REPS2: variants seen among roughly 807,000 people sequenced by gnomAD.
The protein encoded by REPS2 is ralBP1-associated Eps domain-containing protein 2.
In REPS2, 23 loss-of-function variants were observed where a neutral mutation model predicts 53.6. The observed-to-expected ratio is 0.43, with a 90% CI of 0.31 to 0.61. REPS2 has a LOEUF of 0.61. Ranked by LOEUF, REPS2 falls within the 20% of genes least tolerant of loss-of-function variation. REPS2 has a pLI of 0.11. For missense variants in REPS2, 446 were observed against 534.9 expected (o/e 0.83, Z 1.64); for synonymous variants, 238 against 218.6 (o/e 1.09, Z -0.78).
intron 5 of REPS2, among the ~76,000 whole-genome samples, chrX:17,034,926 C>T (rs923885448): frequency 3.6e-5 from 4 of 110,975 alleles, no homozygotes; most frequent in African/African-American, 6.6e-5. Flanking sequence ...ATATTCATCT[C>T]GAAGTGCATA....
intron 5 of REPS2, among the ~76,000 whole-genome samples, chrX:17,039,213 A>G (rs1441070122): frequency 1.8e-5 from 2 of 111,867 alleles, no homozygotes; most frequent in African/African-American, 6.5e-5. Flanking sequence ...TTTCTCCTCT[A>G]AGCAGAGCAC....
At chrX:17,185,370 G>A in the REPS2 span, among the ~76,000 whole-genome samples, 4 of 111,605 alleles carry the variant, frequency 3.6e-5, no homozygotes, top group African/African-American at 1.3e-4. Flanking sequence ...GACCAGCCCA[G>A]ATTCAAGGTA....
chrX:17,167,425 A>G, the REPS2 span, among the ~76,000 whole-genome samples: 2 of 110,730 alleles, frequency 1.8e-5, no homozygotes, highest in African/African-American at 6.6e-5. Context: ...CTTCTGTTAC[A>G]GCCGCCAGAC....
At chrX:17,143,502 T>C (rs2063473731) in intron 17 of REPS2, among the ~76,000 whole-genome samples, 1 of 109,964 alleles carries the variant, frequency 9.1e-6, no homozygotes, top group African/African-American at 3.3e-5. Flanking sequence ...TTATTTTCAT[T>C]TTTGTTGTCG....
chrX:16,994,702 G>A (rs1292177577), intron 1 of REPS2, among the ~76,000 whole-genome samples: 1 of 111,265 alleles, frequency 9.0e-6, no homozygotes, highest in Non-Finnish European at 1.9e-5. Flanking sequence ...CTACACATTG[G>A]GTACAGTGTA....
chrX:17,131,906 T>G (rs933101464), intron 14 of REPS2, among the ~76,000 whole-genome samples: 2 of 110,119 alleles, frequency 1.8e-5, no homozygotes, highest in Non-Finnish European at 3.8e-5. Flanking sequence ...TACTAGAGTT[T>G]TTTTTTTTTT....
intron 3 of REPS2, among the ~76,000 whole-genome samples, chrX:17,024,533 A>G (rs1176780655): frequency 1.8e-5 from 2 of 108,699 alleles, no homozygotes; most frequent in East Asian, 5.8e-4. Context: ...GTTTACCTAT[A>G]ATGAATTGTT....
At chrX:17,010,493 C>T (rs1217507975) in intron 2 of REPS2, among the ~76,000 whole-genome samples, 1 of 111,927 alleles carries the variant, frequency 8.9e-6, no homozygotes, top group African/African-American at 3.3e-5. Flanking sequence ...GCAATCTCCT[C>T]CCCACTTTGT....
chrX:17,073,810 A>AC (rs1200519536), intron 11 of REPS2, among the ~76,000 whole-genome samples: 3 of 104,525 alleles, frequency 2.9e-5, no homozygotes, highest in East Asian at 6.1e-4. Flanking sequence ...TAAAAAGACA[A>AC]CCCCCTTTCA....
intron 1 of REPS2, among the ~76,000 whole-genome samples, chrX:16,973,790 A>G (rs1307713788): frequency 1.8e-5 from 2 of 109,231 alleles, no homozygotes; most frequent in East Asian, 5.5e-4. Flanking sequence ...TATGTATTTT[A>G]TATATATTTT....
intron 5 of REPS2, 131 bp downstream of exon 5, chrX:17,029,754 A>T: frequency 2.2e-6 from 1 of 450,925 alleles, no homozygotes; most frequent in Non-Finnish European, 3.8e-6. Context: ...CAAATATTGC[A>T]TGTCTTGTTT....
chrX:17,142,863 C>T (rs765479951), intron 17 of REPS2, among the ~76,000 whole-genome samples: 12 of 111,988 alleles, frequency 1.1e-4, no homozygotes, highest in East Asian at 2.8e-4. Flanking sequence ...AATTTATGTT[C>T]GCTCAAAAAT....
Position 17,103,738 on chromosome X carries a change from C to T in REPS2, c.1537C>T (p.Pro513Ser), listed in dbSNP as rs1222022155. 1.7e-6 allele frequency: 2 copies of T among 1,210,339 alleles called. No individual in the cohort carries two copies. The highest frequency in any genetic ancestry group is 2.2e-6 in the Non-Finnish European group (2 of 894,609). Reference protein sequence around the residue: ...SVPATKSGLLPPPPALPPRPC... With the variant: ...SVPATKSGLLSPPPALPPRPC... ...TTCAGCTACCAAGTCAGGATTGTTA[C>T]CCCCACCACCTGCGCTCCCTCCAAG... The change falls in exon 14 of 18, where the codon CCC becomes TCC. Residue 513 changes from proline to serine, a missense_variant. Pro to Ser is a moderately conservative substitution (Grantham distance 74). Coordinates refer to ENST00000357277, the MANE Select transcript of REPS2 (RefSeq NM_004726.3).
At position 17,121,521 on chromosome X, in the gene REPS2, T is replaced by G. The variant is rs775669005; in HGVS notation, c.1579-12303T>G. On this transcript the variant is annotated intron_variant, in intron 14 of 17. Transcript: ENST00000357277. ...TCTACGTGCCAGGCAACAAGAGCTT[T>G]TTTTCTTTATGTATCATGCCAGTGA... 1.2e-4 allele frequency among the ~76,000 whole-genome samples: 13 copies of G among 112,119 alleles called. No individual in the cohort carries two copies. In the South Asian group the frequency reaches 3.0e-3, roughly 26 times the overall value.
intron 1 of REPS2, among the ~76,000 whole-genome samples, chrX:16,967,610 G>A (rs1010778147): frequency 1.8e-5 from 2 of 110,759 alleles, no homozygotes; most frequent in African/African-American, 6.6e-5. Context: ...GCTGGAGGGA[G>A]ACGTGATCAC....
chrX:17,056,547 T>C (rs2062073424), intron 8 of REPS2, among the ~76,000 whole-genome samples: 1 of 110,569 alleles, frequency 9.0e-6, no homozygotes, highest in Non-Finnish European at 1.9e-5. Flanking sequence ...AGAAAAAAAT[T>C]AGCCGGGTGT....
At chrX:17,191,820 A>G in the REPS2 span, among the ~76,000 whole-genome samples, 1 of 112,420 alleles carries the variant, frequency 8.9e-6, no homozygotes, top group Non-Finnish European at 1.9e-5. Context: ...CTGTGGAAAA[A>G]GGTAAAACAA....
chrX:17,035,669 A>G (rs2061756501), intron 5 of REPS2, among the ~76,000 whole-genome samples: 1 of 111,130 alleles, frequency 9.0e-6, no homozygotes, highest in African/African-American at 3.3e-5. Flanking sequence ...TCAAACATTC[A>G]ACAGATACAA....
At chrX:17,088,481 T>C (rs1379803210) in intron 13 of REPS2, among the ~76,000 whole-genome samples, 1 of 110,905 alleles carries the variant, frequency 9.0e-6, no homozygotes, top group Non-Finnish European at 1.9e-5. Flanking sequence ...GTGTCAATGC[T>C]AAAAGAGAAC....
Sources: gnomAD v4.1 joint callset for allele counts (sites outside exome capture counted in the v4.1 genomes callset) on GRCh38, gnomAD v4.1.1 for gene constraint, MANE v1.5 for transcripts, NCBI Gene and HGNC (gene_info 2026-07-23, HGNC 2026-07-21) for gene names.